NR4A3: variants seen among roughly 807,000 people sequenced by gnomAD.
The protein encoded by NR4A3 is chondrosarcoma, extraskeletal myxoid, fused to EWS.
In NR4A3, 13 loss-of-function variants were observed where a neutral mutation model predicts 55.6. The observed-to-expected ratio is 0.23, with a 90% CI of 0.15 to 0.37. The LOEUF is 0.37. Ranked by LOEUF, NR4A3 falls within the 10% of genes least tolerant of loss-of-function variation. The pLI, the probability that NR4A3 is intolerant of heterozygous loss-of-function variation, is 1.00. For missense variants in NR4A3, 646 were observed against 822.8 expected (o/e 0.79, Z 2.63); for synonymous variants, 342 against 357.9 (o/e 0.96, Z 0.50).
At chr9:99,833,741 G>A (rs1827494030) in intron 5 of NR4A3, 2 of 1,443,416 alleles carry the variant, frequency 1.4e-6, no homozygotes, top group Non-Finnish European at 1.8e-6. Flanking sequence ...AATCTGCACA[G>A]ACAAACTACA....
At chr9:99,856,496 C>T (rs1827929694) in intron 7 of NR4A3, among the ~76,000 whole-genome samples, 1 of 152,112 alleles carries the variant, frequency 6.6e-6, no homozygotes, top group African/African-American at 2.4e-5. Flanking sequence ...TGGCCCAGTT[C>T]CTAACAGGCC....
In NR4A3 at chr9:99,828,353, A is replaced by G; in HGVS notation, c.311A>G (p.His104Arg). The G allele has an allele frequency of 6.2e-7, 1 of 1,601,566 alleles. No individual in the cohort carries two copies. The highest frequency in any genetic ancestry group is 8.5e-7 in the Non-Finnish European group (1 of 1,174,794). Residue 104 changes from histidine to arginine, a missense_variant, in exon 3 of 8, where the codon CAC (histidine) becomes CGC (arginine). Physicochemically the swap from His to Arg is conservative, Grantham distance 29. Coordinates refer to ENST00000395097, the MANE Select transcript of NR4A3 (RefSeq NM_006981.4). This position sits in a 1 kb window ranked among gnomAD's most constrained non-coding sequence, Gnocchi z 7.7. Reference protein sequence around the residue: ...YHHHHHHHHHHHHHHQQQHQQ... With the variant: ...YHHHHHHHHHRHHHHQQQHQQ... ...CACCATCACCACCACCACCACCACCACCACCACCATCACCAGCAGCAGCAT... is the reference window on the plus strand; with the variant it reads ...CACCATCACCACCACCACCACCACCGCCACCACCATCACCAGCAGCAGCAT...
In NR4A3 at chr9:99,828,095, C is replaced by T. The variant is rs1391653942; in HGVS notation, c.53C>T (p.Ala18Val). Residue 18 changes from alanine to valine, a missense_variant, in exon 3 of 8, where the codon GCG becomes GTG. Around this residue, in one of 5 missense-constraint regions of NR4A3, gnomAD observed 426 missense variants for 429.4 expected, o/e 0.99. Coordinates refer to ENST00000395097, the MANE Select transcript of NR4A3 (RefSeq NM_006981.4). The surrounding 1 kb of genome is among the most constrained non-coding windows in gnomAD (Gnocchi z 7.7). ...YSPSPPGSSY[A>V]AQTYSSEYTT... The stretch of plus-strand genomic sequence containing the variant: ...CCTTCCCCTCCAGGTTCCAGTTATG[C>T]GGCGCAGACATACAGCTCGGAATAC... 4 of 1,614,028 alleles carry T rather than the reference C, an allele frequency of 2.5e-6. No individual in the cohort carries two copies. Among genetic ancestry groups the T allele is most frequent in the South Asian group, 1.1e-5 (1 of 91,062 alleles).
In NR4A3 at chr9:99,866,593, TAC is replaced by T. The variant is rs1292843990; in HGVS notation, c.*2728_*2729del. 1.9e-4 allele frequency: 43 copies of T among 228,286 alleles called. 1 individual carries two copies. The Admixed American group carries it at 2.4e-3, about 13-fold the overall frequency. The allele number at this position is 228,286 out of a possible 1,614,324, so 14.1% of individuals were successfully genotyped here. On this transcript the variant is annotated 3_prime_UTR_variant, in exon 8 of 8. Coordinates refer to ENST00000395097, the MANE Select transcript of NR4A3 (RefSeq NM_006981.4). ...TGTCTTAATGTTGCACATAAGTTTA[TAC>T]AGAGTGGATGACCACACTAGCACAG...
chr9:99,838,556 A>G (rs538124504), intron 5 of NR4A3, among the ~76,000 whole-genome samples: 1 of 152,358 alleles, frequency 6.6e-6, no homozygotes, highest in East Asian at 1.9e-4. Flanking sequence ...TCCAAATGGT[A>G]AAGAGATTAA....
chr9:99,863,575 T>C, intron 7 of NR4A3, 45 bp from the exon 8 acceptor site: 1 of 1,583,924 alleles, frequency 6.3e-7, no homozygotes, highest in Non-Finnish European at 8.6e-7. Flanking sequence ...TGTCTTAAGA[T>C]GTATTTGCCT....
chr9:99,866,000 T>A lies in NR4A3; in HGVS notation c.*2133T>A, dbSNP rs902213138. On this transcript the variant is annotated 3_prime_UTR_variant, in exon 8 of 8. Transcript: ENST00000395097. The surrounding 1 kb of genome is among the most constrained non-coding windows in gnomAD (Gnocchi z 4.3). The stretch of plus-strand genomic sequence containing the variant: ...AAACAGCTGGTAACAGAATCAAGAC[T>A]AAGACCTAATTTACCTTTCCATACT... The A allele has an allele frequency of 2.3e-5, 5 of 218,876 alleles. No individual in the cohort carries two copies. The highest frequency in any genetic ancestry group is 1.1e-4 in the African/African-American group (5 of 44,522). 13.6% of individuals were successfully genotyped at this position (218,876 alleles called of 1,614,324 possible).
chr9:99,833,690 A>T, intron 5 of NR4A3: 2 of 1,551,100 alleles, frequency 1.3e-6, no homozygotes, highest in Middle Eastern at 2.2e-4. Context: ...TGCACCTGTC[A>T]TACACATTGT....
chr9:99,826,937 G>GTT (rs3832634), intron 2 of NR4A3: 1 of 685,160 alleles, frequency 1.5e-6, no homozygotes. Flanking sequence ...AAAAACCGCC[G>GTT]TTTTTTACCA....
intron 7 of NR4A3, among the ~76,000 whole-genome samples, chr9:99,860,045 G>C (rs912956540): frequency 6.6e-6 from 1 of 152,186 alleles, no homozygotes; most frequent in East Asian, 1.9e-4. Context: ...ATTATACAAA[G>C]AGCACAACCT....
chr9:99,850,723 T>C (rs1827833886), intron 7 of NR4A3, among the ~76,000 whole-genome samples: 1 of 152,180 alleles, frequency 6.6e-6, no homozygotes, highest in African/African-American at 2.4e-5. Flanking sequence ...GTTTCCCCAT[T>C]TGTAAAATGG....
chr9:99,847,346 A>G (rs1018670529), intron 6 of NR4A3, 91 bp from the exon 7 acceptor site: 1 of 1,251,254 alleles, frequency 8.0e-7, no homozygotes, highest in Non-Finnish European at 1.2e-6. Flanking sequence ...ATGCTGCCCC[A>G]TGGCTGTCTG....
chr9:99,839,518 G>C (rs182897136), intron 5 of NR4A3, among the ~76,000 whole-genome samples: 1 of 152,230 alleles, frequency 6.6e-6, no homozygotes, highest in East Asian at 1.9e-4. Context: ...TTGGGGCCTG[G>C]GCTATTGCTG....
chr9:99,853,413 G>T (rs1387776433), intron 7 of NR4A3, among the ~76,000 whole-genome samples: 1 of 115,154 alleles, frequency 8.7e-6, no homozygotes, highest in East Asian at 2.5e-4. Flanking sequence ...GTGCCATGCT[G>T]GTGCGCTGCA....
intron 6 of NR4A3, 100 bp from the exon 7 acceptor site, chr9:99,847,337 T>G (rs1251955133): frequency 8.9e-7 from 1 of 1,129,432 alleles, no homozygotes; most frequent in African/African-American, 1.5e-5. Context: ...GGGGTCCCAA[T>G]GCTGCCCCAT....
chr9:99,828,921 C>A lies in NR4A3; in HGVS notation c.879C>A (p.Ala293=), dbSNP rs1000332340. The change falls in exon 3 of 8, where the codon GCC becomes GCA. Residue 293 remains alanine (A), a synonymous_variant. Coordinates refer to ENST00000395097, the MANE Select transcript of NR4A3 (RefSeq NM_006981.4). The surrounding 1 kb of genome is among the most constrained non-coding windows in gnomAD (Gnocchi z 7.7). The stretch of plus-strand genomic sequence containing the variant: ...CGTCGTCTGGCGAGGGCACGTGTGC[C>A]GTGTGCGGGGACAACGCCGCCTGCC... ...RSSSSGEGTC[A]VCGDNAACQH... is the part of the protein sequence containing the mutation. 6.8e-7 allele frequency: 1 copy of A among 1,473,400 alleles called. No homozygotes were observed. Among genetic ancestry groups the A allele is most frequent in the Non-Finnish European group, 9.0e-7 (1 of 1,115,344 alleles). 91.3% of individuals were successfully genotyped at this position (1,473,400 alleles called of 1,614,324 possible).
At chr9:99,832,613 A>T in intron 3 of NR4A3, 76 bp from the exon 4 acceptor site, 1 of 1,245,538 alleles carries the variant, frequency 8.0e-7, no homozygotes, top group Non-Finnish European at 1.1e-6. Context: ...TTCACATTGT[A>T]ATTAAAATAC....
chr9:99,859,249 C>T (rs958107506), intron 7 of NR4A3, among the ~76,000 whole-genome samples: 1 of 152,086 alleles, frequency 6.6e-6, no homozygotes, highest in African/African-American at 2.4e-5. Flanking sequence ...GCCTGATTTC[C>T]CCCCGAATTT....
intron 3 of NR4A3, among the ~76,000 whole-genome samples, chr9:99,831,724 G>GTTA (rs1827446701): frequency 1.1e-4 from 16 of 152,068 alleles, no homozygotes; most frequent in Admixed American, 1.0e-3. Flanking sequence ...CACCCTAAGT[G>GTTA]GTAAAAATAC....
Sources: gnomAD v4.1 joint callset for allele counts (sites outside exome capture counted in the v4.1 genomes callset) on GRCh38, gnomAD v4.1.1 for gene constraint, gnomAD v4.1.1 regional missense constraint, Gnocchi (gnomAD v3.1) non-coding constraint, MANE v1.5 for transcripts, NCBI Gene and HGNC (gene_info 2026-07-23, HGNC 2026-07-21) for gene names.